The following SHISAL2A variants were observed in gnomAD, a reference collection of about 807,000 sequenced individuals.
The protein encoded by SHISAL2A is shisa like 2A, also known as protein shisa-like-2A.
SHISAL2A carries 18 observed loss-of-function variants against 11.5 expected under a neutral mutation model. The observed-to-expected ratio is 1.57, with a 90% confidence interval of 1.08 to 2.33. SHISAL2A has a LOEUF of 2.33. Ranked by LOEUF, SHISAL2A falls within the 30% of genes most tolerant of loss-of-function variation. The pLI, the probability that SHISAL2A is intolerant of heterozygous loss-of-function variation, is 0.00. For synonymous variants in SHISAL2A, 94 were observed against 99.6 expected, an observed-to-expected ratio of 0.94 and a Z score of 0.34; for missense variants, 261 against 250.9, an observed-to-expected ratio of 1.04 and a Z score of -0.27.
chr1:52,661,614 G>C (rs2149894531), downstream of SHISAL2A, among the ~76,000 whole-genome samples: 1 of 152,318 alleles, frequency 6.6e-6, no homozygotes, highest in East Asian at 1.9e-4. Flanking sequence ...ACTCACAGGG[G>C]TGTGAAGGGC....
At chr1:52,656,742 C>A (rs2149891400) in intron 2 of SHISAL2A, 48 bp from the exon 3 acceptor site, 1 of 1,556,782 alleles carries the variant, frequency 6.4e-7, no homozygotes, top group South Asian at 1.2e-5. Context: ...GAGTGTGATC[C>A]TGTTGGGGAA....
At chr1:52,660,699 T>A (rs747499922), downstream of SHISAL2A, among the ~76,000 whole-genome samples, 7 of 152,172 alleles carry the variant, frequency 4.6e-5, no homozygotes, top group Non-Finnish European at 1.0e-4. Context: ...ATGTTGAATC[T>A]TGGAACTTGG....
rs1360497106 is a variant in SHISAL2A at position 52,650,657 on chromosome 1, T to G, written c.323-6133T>G. 2.8e-3 allele frequency among the ~76,000 whole-genome samples: 420 copies of G among 147,604 alleles called. 1 individual carries two copies. The highest frequency in any genetic ancestry group is 8.1e-3 in the African/African-American group (325 of 40,368). On this transcript the variant is annotated intron_variant, in intron 2 of 2. Transcript: ENST00000517870. ...TTTTTAAAACCCTTTTTTTTTTTTT[T>G]TTTTTGAGACAGAATCTCCCTCTGT... is the stretch of plus-strand genomic sequence containing the variant.
chr1:52,663,159 T>C (rs2149895537), intron 4 of SHISAL2A, among the ~76,000 whole-genome samples: 1 of 152,268 alleles, frequency 6.6e-6, no homozygotes, highest in African/African-American at 2.4e-5. Flanking sequence ...CTCTTAGCTC[T>C]TTGTCCTGTG....
At chr1:52,652,770 C>G (rs1229450363) in intron 2 of SHISAL2A, among the ~76,000 whole-genome samples, 2 of 151,512 alleles carry the variant, frequency 1.3e-5, no homozygotes, top group African/African-American at 4.9e-5. Flanking sequence ...TTGAAACCAT[C>G]CTGGCTAACA....
chr1:52,668,207 T>C (rs1692047085), intron 5 of SHISAL2A, among the ~76,000 whole-genome samples: 2 of 152,290 alleles, frequency 1.3e-5, no homozygotes, highest in Non-Finnish European at 2.9e-5. Flanking sequence ...AATTTGTGGG[T>C]TATTGGAATA....
intron 1 of SHISAL2A, among the ~76,000 whole-genome samples, chr1:52,634,173 G>A (rs1317623021): frequency 6.6e-6 from 1 of 152,034 alleles, no homozygotes; most frequent in Non-Finnish European, 1.5e-5. Flanking sequence ...TGTCCTGCCT[G>A]CAGTCCCACC....
At chr1:52,642,728 A>AT in intron 1 of SHISAL2A, 135 bp from the exon 2 acceptor site, 9 of 973,902 alleles carry the variant, frequency 9.2e-6, no homozygotes, top group South Asian at 1.6e-5. Context: ...CTGGCCTAAA[A>AT]TTTTTTTTAA....
intron 2 of SHISAL2A, among the ~76,000 whole-genome samples, chr1:52,649,095 C>T (rs919723156): frequency 5.9e-5 from 9 of 152,130 alleles, no homozygotes; most frequent in Non-Finnish European, 1.0e-4. Flanking sequence ...TAGTTCCTAC[C>T]CTTCTTCTTC....
chr1:52,668,034 T>C (rs879911689), intron 5 of SHISAL2A, among the ~76,000 whole-genome samples: 1 of 152,126 alleles, frequency 6.6e-6, no homozygotes, highest in Non-Finnish European at 1.5e-5. Flanking sequence ...GATGAGTACA[T>C]AGCTAATGTG....
chr1:52,646,596 G>A (rs375987554), intron 2 of SHISAL2A, among the ~76,000 whole-genome samples: 3 of 151,442 alleles, frequency 2.0e-5, no homozygotes, highest in South Asian at 2.1e-4. Context: ...TACTTGTAAC[G>A]TCAGCATCAA....
At chr1:52,664,782 C>T (rs991524308) in intron 4 of SHISAL2A, among the ~76,000 whole-genome samples, 6 of 151,994 alleles carry the variant, frequency 3.9e-5, no homozygotes, top group Non-Finnish European at 8.8e-5. Flanking sequence ...AGGCATGAGC[C>T]GCTGCACCCC....
intron 1 of SHISAL2A, chr1:52,639,901 G>A (rs965087521): frequency 1.3e-5 from 2 of 151,972 alleles, no homozygotes; most frequent in East Asian, 1.9e-4. Flanking sequence ...CAACCCTCTC[G>A]CCTCAGCCTC....
In SHISAL2A at chr1:52,654,262, C is replaced by CAGAT. The variant is rs796575635; in HGVS notation, c.323-2510_323-2507dup. ...ATAGATAGATAGATAGATAGATAGA[C>CAGAT]AGATAGATAGATAGATAGATAAGCT... On this transcript the variant is annotated intron_variant, in intron 2 of 2. Transcript: ENST00000517870. Among the ~76,000 whole-genome samples, 202 of 25,888 alleles carry CAGAT rather than the reference C, an allele frequency of 7.8e-3. 3 individuals carry two copies. The South Asian group carries it at 0.14, about 17-fold the overall frequency. 17.0% of individuals were successfully genotyped at this position (25,888 alleles called of 152,430 possible).
chr1:52,653,890 C>A (rs1347066962), intron 2 of SHISAL2A, among the ~76,000 whole-genome samples: 1 of 151,888 alleles, frequency 6.6e-6, no homozygotes, highest in Non-Finnish European at 1.5e-5. Context: ...GAAAATTAGG[C>A]CAGTCGTATT....
chr1:52,644,468 T>G (rs977318544), intron 2 of SHISAL2A, among the ~76,000 whole-genome samples: 22 of 152,340 alleles, frequency 1.4e-4, no homozygotes, highest in Middle Eastern at 3.4e-3. Context: ...CTCATGCCTG[T>G]AATCCCAGCA....
At chr1:52,642,321 G>A (rs1467956124) in intron 1 of SHISAL2A, among the ~76,000 whole-genome samples, 2 of 152,120 alleles carry the variant, frequency 1.3e-5, no homozygotes, top group Non-Finnish European at 2.9e-5. Flanking sequence ...GTGAGTCCTT[G>A]GCATATAGTT....
downstream of SHISAL2A, among the ~76,000 whole-genome samples, chr1:52,660,473 T>C (rs565012014): frequency 6.6e-6 from 1 of 152,162 alleles, no homozygotes; most frequent in East Asian, 1.9e-4. Context: ...GGATGCTGGG[T>C]GGGCTGATAC....
downstream of SHISAL2A, among the ~76,000 whole-genome samples, chr1:52,660,002 G>A (rs1482044556): frequency 6.6e-6 from 1 of 152,172 alleles, no homozygotes; most frequent in East Asian, 1.9e-4. Flanking sequence ...TGTGTGGAGG[G>A]CTTGTTAAAA....
Sources: gnomAD v4.1 joint callset for allele counts (sites outside exome capture counted in the v4.1 genomes callset) on GRCh38, gnomAD v4.1.1 for gene constraint, MANE v1.5 for transcripts, NCBI Gene and HGNC (gene_info 2026-07-23, HGNC 2026-07-21) for gene names.